Variants in TENM4 observed in about 807,000 individuals in gnomAD.
TENM4 encodes the protein teneurin transmembrane protein 4.
Under a neutral mutation model 243.3 loss-of-function variants are expected in TENM4, and 82 were observed. That is an observed-to-expected ratio of 0.34 (90% CI 0.28 to 0.40). The LOEUF (loss-of-function observed/expected upper bound fraction) is 0.40, where lower values mean the gene tolerates loss of function less well. Ranked by LOEUF, TENM4 falls within the 10% of genes least tolerant of loss-of-function variation. TENM4 has a pLI of 1.00. For synonymous variants in TENM4, 1,412 were observed against 1,456.3 expected (o/e 0.97, Z 0.69); for missense variants, 3,138 against 3,673.3 (o/e 0.85, Z 3.77).
At chr11:78,848,140 C>T (rs1017779341) in intron 12 of TENM4, among the ~76,000 whole-genome samples, 3 of 150,934 alleles carry the variant, frequency 2.0e-5, no homozygotes, top group Admixed American at 6.6e-5. Flanking sequence ...TCACTCCCTC[C>T]TTCCCTCCCT....
chr11:78,796,331 G>A (rs1178187934), intron 15 of TENM4, among the ~76,000 whole-genome samples: 3 of 152,134 alleles, frequency 2.0e-5, no homozygotes, highest in African/African-American at 4.8e-5. Flanking sequence ...AAGAACTAGT[G>A]AGCAAGGAAG....
chr11:79,064,926 A>G lies in TENM4; in HGVS notation c.305T>C (p.Leu102Pro). 6.5e-7 allele frequency: 1 copy of G among 1,538,744 alleles called. No individual in the cohort carries two copies. The highest frequency in any genetic ancestry group is 8.8e-7 in the Non-Finnish European group (1 of 1,138,452). The change falls in exon 6 of 34, where the codon CTC (leucine) becomes CCC (proline). Residue 102 changes from leucine to proline, a missense_variant. Physicochemically the swap from Leu to Pro is moderately conservative, Grantham distance 98. Coordinates refer to ENST00000278550, the MANE Select transcript of TENM4 (RefSeq NM_001098816.3). ...HGTLYRTDIG[L>P]PHCGYSMGAG... ...CCCCATGGAGTAGCCGCAGTGGGGG[A>G]GGCCAATGTCTGTCCGGTACAGGGT...
Position 79,382,712 on chromosome 11 carries a change from GATTT to G in TENM4, c.-321+57793_-321+57796del. On this transcript the variant is annotated intron_variant, in intron 1 of 33. Transcript: ENST00000278550. ...CACTGGGGAAGGGGTGCTACCGTGA[GATTT>G]GTTTCCCGAGAAGAGGCTGGGAGCC... Among the ~76,000 whole-genome samples the G allele has an allele frequency of 2.0e-5, 3 of 152,134 alleles. No individual in the cohort carries two copies. The Middle Eastern group carries it at 0.01, about 517-fold the overall frequency.
At chr11:78,953,255 G>T (rs1205776809) in intron 6 of TENM4, among the ~76,000 whole-genome samples, 1 of 152,198 alleles carries the variant, frequency 6.6e-6, no homozygotes, top group Non-Finnish European at 1.5e-5. Context: ...TTTAGCTGGT[G>T]CCTTGGGCTT....
chr11:79,039,975 A>C (rs1859476654), intron 6 of TENM4, among the ~76,000 whole-genome samples: 1 of 151,756 alleles, frequency 6.6e-6, no homozygotes, highest in Non-Finnish European at 1.5e-5. Context: ...TCACCTATTC[A>C]CTGAATCTTT....
rs2135600839 is a variant in TENM4, at chr11:78,654,543, CA to C, written c.*3514del. 6.6e-6 allele frequency: 1 copy of C among 152,254 alleles called. No individual in the cohort carries two copies. The highest frequency in any genetic ancestry group is 1.5e-5 in the Non-Finnish European group (1 of 68,036). 9.4% of individuals were successfully genotyped at this position (152,254 alleles called of 1,614,324 possible). On this transcript the variant is annotated 3_prime_UTR_variant, in exon 34 of 34. Transcript: ENST00000278550. ...TGTTCTGTGTCTACAAAACACTGCCCAGTCTGCCTTGCCATCATCTTCTGTG... is the reference window on the plus strand; with the variant it reads ...TGTTCTGTGTCTACAAAACACTGCCCGTCTGCCTTGCCATCATCTTCTGTG...
chr11:78,914,163 G>T (rs555813501), intron 6 of TENM4, among the ~76,000 whole-genome samples: 3 of 152,154 alleles, frequency 2.0e-5, no homozygotes, highest in Non-Finnish European at 4.4e-5. Flanking sequence ...CTTTGGGGAA[G>T]TCCCTTTCTT....
At chr11:79,400,290 C>A (rs1858434780) in intron 1 of TENM4, among the ~76,000 whole-genome samples, 1 of 152,004 alleles carries the variant, frequency 6.6e-6, no homozygotes, top group South Asian at 2.1e-4. Context: ...CTTTCTGCTC[C>A]ATGGTCCGCT....
chr11:79,003,205 G>A (rs1317835670), intron 6 of TENM4, among the ~76,000 whole-genome samples: 1 of 152,156 alleles, frequency 6.6e-6, no homozygotes, highest in Non-Finnish European at 1.5e-5. Flanking sequence ...AAGAGAGGAA[G>A]AGAAAGCAAG....
At chr11:78,892,084 A>T (rs1173527671) in intron 7 of TENM4, among the ~76,000 whole-genome samples, 1 of 152,224 alleles carries the variant, frequency 6.6e-6, no homozygotes, top group Non-Finnish European at 1.5e-5. Context: ...ATAACTGGCT[A>T]GCAAGGATGG....
chr11:78,891,433 G>A (rs1166294785), intron 7 of TENM4, 97 bp from the exon 8 acceptor site: 1 of 1,108,964 alleles, frequency 9.0e-7, no homozygotes, highest in African/African-American at 1.5e-5. Flanking sequence ...GTGCAGCTGT[G>A]TGCGTAAGAC....
intron 4 of TENM4, among the ~76,000 whole-genome samples, chr11:79,126,583 T>A (rs1481673372): frequency 4.6e-5 from 7 of 152,140 alleles, no homozygotes; most frequent in Admixed American, 4.6e-4. Flanking sequence ...ATCATGGTGT[T>A]ACTAGAAGTG....
chr11:78,831,106 C>T (rs1389703737), intron 12 of TENM4, among the ~76,000 whole-genome samples: 1 of 152,160 alleles, frequency 6.6e-6, no homozygotes, highest in Non-Finnish European at 1.5e-5. Flanking sequence ...AAATGACTTG[C>T]AGATCCCAAA....
chr11:78,675,781 C>G (rs1387235413), intron 30 of TENM4, among the ~76,000 whole-genome samples: 1 of 152,136 alleles, frequency 6.6e-6, no homozygotes, highest in African/African-American at 2.4e-5. Context: ...TTGCTATGAG[C>G]CAGACTCTAA....
chr11:78,768,335 A>G (rs1856580543), intron 18 of TENM4, among the ~76,000 whole-genome samples: 1 of 152,224 alleles, frequency 6.6e-6, no homozygotes, highest in Admixed American at 6.5e-5. Context: ...TCCAACCATG[A>G]TGACCCACGG....
chr11:79,420,345 C>T (rs998449667), intron 1 of TENM4, among the ~76,000 whole-genome samples: 2 of 152,210 alleles, frequency 1.3e-5, no homozygotes, highest in Non-Finnish European at 2.9e-5. Context: ...GAGGGAAACA[C>T]TCAGCCCCTG....
At position 78,689,892 on chromosome 11, in the gene TENM4, G is replaced by A. The variant is rs955887981; in HGVS notation, c.5088-1666C>T. ...CTGTTTTTGTCCTAAGATCAATTCT[G>A]GGGGAGGGGCCGGTGGCCTTTGGGG... On this transcript the variant is annotated intron_variant, in intron 28 of 33. Coordinates refer to ENST00000278550, the MANE Select transcript of TENM4 (RefSeq NM_001098816.3). Among the ~76,000 whole-genome samples the A allele has an allele frequency of 2.0e-5, 3 of 152,178 alleles. No homozygotes were observed. The South Asian group carries it at 6.2e-4, about 32-fold the overall frequency.
At chr11:79,398,498 G>C (rs186727142) in intron 1 of TENM4, among the ~76,000 whole-genome samples, 1 of 151,990 alleles carries the variant, frequency 6.6e-6, no homozygotes, top group African/African-American at 2.4e-5. Context: ...TCACATTATG[G>C]AAATACTAAC....
At chr11:79,364,947 A>G (rs977503055) in intron 1 of TENM4, among the ~76,000 whole-genome samples, 1 of 152,244 alleles carries the variant, frequency 6.6e-6, no homozygotes, top group African/African-American at 2.4e-5. Flanking sequence ...TTTTCTTTAA[A>G]ATTTAGTTGT....
Sources: allele counts gnomAD v4.1 joint callset (sites outside exome capture counted in the v4.1 genomes callset), GRCh38; gene constraint gnomAD v4.1.1; transcripts MANE v1.5; gene names NCBI Gene and HGNC (gene_info 2026-07-23, HGNC 2026-07-21).